MGAT4C: variants seen among roughly 807,000 people sequenced by gnomAD.
MGAT4C encodes the protein alpha-1,3-mannosyl-glycoprotein 4-beta-N-acetylglucosaminyltransferase C.
A neutral mutation model predicts 40.1 loss-of-function variants in MGAT4C; 19 were observed. The ratio of observed to expected loss-of-function variants is 0.47; its 90% CI spans 0.33 to 0.70. The LOEUF (loss-of-function observed/expected upper bound fraction) is 0.70. Ranked by LOEUF, MGAT4C falls within the 30% of genes least tolerant of loss-of-function variation. MGAT4C has a pLI of 0.02. For synonymous variants in MGAT4C, 181 were observed against 187.1 expected (o/e 0.97, Z 0.27); for missense variants, 491 against 563.2 (o/e 0.87, Z 1.30).
intron 1 of MGAT4C, among the ~76,000 whole-genome samples, chr12:86,077,817 C>T (rs1870049687): frequency 6.6e-6 from 1 of 152,124 alleles, no homozygotes; most frequent in African/African-American, 2.4e-5. Flanking sequence ...TCTTCCTTAC[C>T]TCTGTTATGG....
intron 2 of MGAT4C, among the ~76,000 whole-genome samples, chr12:86,446,123 AT>A (rs1220656617): frequency 6.6e-6 from 1 of 152,152 alleles, no homozygotes; most frequent in African/African-American, 2.4e-5. Flanking sequence ...TATCACAAAA[AT>A]ATAGAATAAA....
chr12:86,690,173 C>T (rs1016052738), intron 2 of MGAT4C, among the ~76,000 whole-genome samples: 2 of 152,142 alleles, frequency 1.3e-5, no homozygotes, highest in African/African-American at 4.8e-5. Flanking sequence ...CCCTACCAAG[C>T]ACCAGAGTCC....
In MGAT4C at chr12:86,195,716, A is replaced by G. The variant is rs528383900; in HGVS notation, c.-57+60523T>C. ...CATATATGTATCTCTCAGGTTACAG[A>G]AATTTCAAATGGTGTAGTAAAATTA... On this transcript the variant is annotated intron_variant, in intron 1 of 4. Coordinates refer to ENST00000611864, the MANE Select transcript of MGAT4C (RefSeq NM_001351288.2). Among the ~76,000 whole-genome samples the G allele has an allele frequency of 3.9e-5, 6 of 152,288 alleles. No individual in the cohort carries two copies. In the South Asian group the frequency reaches 8.3e-4, roughly 21 times the overall value.
At chr12:86,437,437 T>C (rs1034513899) in intron 2 of MGAT4C, among the ~76,000 whole-genome samples, 2 of 151,776 alleles carry the variant, frequency 1.3e-5, no homozygotes, top group Non-Finnish European at 3.0e-5. Context: ...TCCCCCTCTC[T>C]AAATGAATAT....
At chr12:86,179,384 G>C (rs1887865178) in intron 1 of MGAT4C, among the ~76,000 whole-genome samples, 1 of 152,200 alleles carries the variant, frequency 6.6e-6, no homozygotes, top group South Asian at 2.1e-4. Flanking sequence ...GGTACCAGTA[G>C]TGGGATGTTG....
intron 4 of MGAT4C, among the ~76,000 whole-genome samples, chr12:86,285,821 T>C (rs1350137792): frequency 1.3e-5 from 2 of 151,982 alleles, no homozygotes; most frequent in Admixed American, 1.3e-4. Flanking sequence ...CTTATGTATG[T>C]AATAAAATAT....
intron 2 of MGAT4C, among the ~76,000 whole-genome samples, chr12:86,529,659 GT>G (rs372683286): frequency 1.7e-4 from 26 of 152,074 alleles, no homozygotes; most frequent in African/African-American, 5.5e-4. Context: ...CTAGTAATTT[GT>G]TTTGGTTTTT....
At chr12:86,476,839 T>C (rs982738330) in intron 2 of MGAT4C, among the ~76,000 whole-genome samples, 20 of 152,104 alleles carry the variant, frequency 1.3e-4, no homozygotes, top group Non-Finnish European at 1.2e-4. Flanking sequence ...AAGAAAGAAA[T>C]ATAGCATGTT....
chr12:86,249,109 G>A (rs1490061469), intron 1 of MGAT4C, among the ~76,000 whole-genome samples: 3 of 152,176 alleles, frequency 2.0e-5, no homozygotes, highest in East Asian at 1.9e-4. Flanking sequence ...ATAAGAAGGG[G>A]AGTTCCTTTC....
At chr12:86,032,517 A>G (rs1890854402) in intron 2 of MGAT4C, among the ~76,000 whole-genome samples, 2 of 149,700 alleles carry the variant, frequency 1.3e-5, no homozygotes, top group South Asian at 4.2e-4. Flanking sequence ...ATTATTAGTA[A>G]TGTTGAGCAT....
chr12:86,798,441 C>A (rs1489527658), intron 1 of MGAT4C, among the ~76,000 whole-genome samples: 3 of 151,880 alleles, frequency 2.0e-5, no homozygotes, highest in Non-Finnish European at 4.4e-5. Flanking sequence ...CCCCGCCCTG[C>A]ACATGCACAA....
chr12:86,779,195 G>C (rs1228920698), intron 1 of MGAT4C, among the ~76,000 whole-genome samples: 2 of 151,946 alleles, frequency 1.3e-5, no homozygotes, highest in Non-Finnish European at 2.9e-5. Context: ...CCATATAAAA[G>C]ACAAAATATA....
chr12:86,513,189 T>TA (rs1958623225), intron 2 of MGAT4C, among the ~76,000 whole-genome samples: 1 of 152,174 alleles, frequency 6.6e-6, no homozygotes, highest in Admixed American at 6.6e-5. Context: ...AAACAGCAAC[T>TA]ATTATACTTA....
At chr12:86,769,877 G>A (rs1295221077) in intron 1 of MGAT4C, among the ~76,000 whole-genome samples, 1 of 151,922 alleles carries the variant, frequency 6.6e-6, no homozygotes, top group Non-Finnish European at 1.5e-5. Flanking sequence ...GTGTGGAGTG[G>A]GGGAGGGATA....
chr12:86,698,196 C>A (rs943435380), intron 2 of MGAT4C, among the ~76,000 whole-genome samples: 30 of 149,502 alleles, frequency 2.0e-4, no homozygotes, highest in Admixed American at 1.3e-4. Flanking sequence ...CTACAAAGAA[C>A]AAAGAAAATG....
At chr12:86,285,712 G>A (rs1237965387) in intron 4 of MGAT4C, among the ~76,000 whole-genome samples, 2 of 151,850 alleles carry the variant, frequency 1.3e-5, no homozygotes, top group African/African-American at 4.8e-5. Flanking sequence ...CTTTAGAGAT[G>A]TATGTAAAGA....
intron 1 of MGAT4C, among the ~76,000 whole-genome samples, chr12:86,127,777 T>C (rs1880518303): frequency 6.6e-6 from 1 of 152,174 alleles, no homozygotes; most frequent in African/African-American, 2.4e-5. Flanking sequence ...GTCAGGATCA[T>C]CTACGCAGTG....
chr12:86,050,389 A>C (rs1387937491), intron 1 of MGAT4C, among the ~76,000 whole-genome samples: 1 of 152,058 alleles, frequency 6.6e-6, no homozygotes, highest in Non-Finnish European at 1.5e-5. Flanking sequence ...ATGCCTTTAA[A>C]ATTATGTGTA....
intron 3 of MGAT4C, among the ~76,000 whole-genome samples, chr12:86,429,682 TC>T (rs1312354101): frequency 1.8e-4 from 28 of 152,340 alleles, no homozygotes; most frequent in African/African-American, 6.7e-4. Flanking sequence ...ATGGTGTGTT[TC>T]TTATCACTTG....
Sources: allele counts gnomAD v4.1 joint callset (sites outside exome capture counted in the v4.1 genomes callset), GRCh38; gene constraint gnomAD v4.1.1; transcripts MANE v1.5; gene names NCBI Gene and HGNC (gene_info 2026-07-23, HGNC 2026-07-21).